The following WWP1 variants were observed in gnomAD, a reference collection of about 807,000 sequenced individuals.
The protein encoded by WWP1 is NEDD4-like E3 ubiquitin-protein ligase WWP1.
In WWP1, 49 loss-of-function variants were observed where a neutral mutation model predicts 130.6. The observed-to-expected ratio is 0.38, with a 90% CI of 0.30 to 0.48. WWP1 has a LOEUF of 0.48. Ranked by LOEUF, WWP1 falls within the 20% of genes least tolerant of loss-of-function variation. The pLI is 0.99. For synonymous variants in WWP1, 332 were observed against 367.8 expected (o/e 0.90, Z 1.11); for missense variants, 809 against 1,100.6 (o/e 0.74, Z 3.75).
rs751524730 is a variant in WWP1, at chr8:86,438,587, T to C, written c.1752T>C (p.Ile584=). The C allele has an allele frequency of 6.3e-7, 1 of 1,596,082 alleles. No homozygotes were observed. The highest frequency in any genetic ancestry group is 1.8e-5 in the Admixed American group (1 of 54,976). Residue 584 remains isoleucine, a splice_region_variant and synonymous_variant, in exon 17 of 25, where the codon ATT becomes ATC. Transcript: ENST00000517970. ...QTLFEDSFQQ[I]MALKPYDLRR... ...TTCATGTTTTTGTTTTTAATTAGAT[T>C]ATGGCATTAAAACCCTATGACTTGA...
At chr8:86,413,143 A>T (rs972032703) in intron 9 of WWP1, among the ~76,000 whole-genome samples, 4 of 152,002 alleles carry the variant, frequency 2.6e-5, no homozygotes, top group Non-Finnish European at 5.9e-5. Context: ...CATCATTTTA[A>T]CTATTAAATC....
chr8:86,387,238 G>A (rs1458682848), intron 5 of WWP1, among the ~76,000 whole-genome samples: 4 of 152,180 alleles, frequency 2.6e-5, no homozygotes, highest in African/African-American at 9.6e-5. Flanking sequence ...TCCATTAGCA[G>A]TGGTCCTGTG....
chr8:86,433,789 G>A (rs1810127515), intron 14 of WWP1, among the ~76,000 whole-genome samples: 1 of 152,080 alleles, frequency 6.6e-6, no homozygotes, highest in Non-Finnish European at 1.5e-5. Context: ...GTGATGGCGT[G>A]TGCCTGTAAT....
At chr8:86,436,207 A>G (rs181702582) in intron 16 of WWP1, among the ~76,000 whole-genome samples, 1 of 152,348 alleles carries the variant, frequency 6.6e-6, no homozygotes, top group East Asian at 1.9e-4. Flanking sequence ...ATTTACTAAA[A>G]TAAAGCTTAA....
intron 1 of WWP1, 51 bp downstream of exon 1, chr8:86,342,981 G>C (rs1032003486): frequency 3.2e-6 from 1 of 308,106 alleles, no homozygotes; most frequent in Non-Finnish European, 5.9e-6. Context: ...AGGGCGGGAG[G>C]GGGCACGGGC....
intron 24 of WWP1, 142 bp downstream of exon 24, chr8:86,461,988 C>T (rs767543646): frequency 1.1e-5 from 7 of 647,182 alleles, no homozygotes; most frequent in South Asian, 2.0e-5. Context: ...ATTAATACAG[C>T]ATTCTATAAC....
chr8:86,360,500 C>G (rs143927237), intron 1 of WWP1, among the ~76,000 whole-genome samples: 12 of 152,286 alleles, frequency 7.9e-5, no homozygotes, highest in African/African-American at 2.6e-4. Flanking sequence ...GGTTCTGCCC[C>G]CTATGCAGTA....
chr8:86,413,133 C>T (rs1252094426), intron 9 of WWP1, among the ~76,000 whole-genome samples: 1 of 152,078 alleles, frequency 6.6e-6, no homozygotes, highest in Non-Finnish European at 1.5e-5. Flanking sequence ...GCCAGCTCTC[C>T]ATCATTTTAA....
intron 9 of WWP1, among the ~76,000 whole-genome samples, chr8:86,416,860 G>T (rs1808918584): frequency 6.6e-6 from 1 of 152,160 alleles, no homozygotes; most frequent in African/African-American, 2.4e-5. Flanking sequence ...AGCTCTAGCA[G>T]GCTGTCACTG....
chr8:86,349,167 G>A (rs10109032), intron 1 of WWP1, among the ~76,000 whole-genome samples: 30,689 of 151,984 alleles, frequency 0.2, 3,250 homozygotes, highest in African/African-American at 0.21. Context: ...GATTACAGGC[G>A]TGCACCACCA....
chr8:86,381,389 T>C (rs1824976712), intron 4 of WWP1, 116 bp from the exon 5 acceptor site: 1 of 1,269,594 alleles, frequency 7.9e-7, no homozygotes, highest in Non-Finnish European at 1.1e-6. Flanking sequence ...CTCAAATAAA[T>C]GAAATTCACG....
At position 86,382,417 on chromosome 8, in the gene WWP1, A is replaced by G. The variant is rs574700318; in HGVS notation, c.334+788A>G. ...TCTGAATATTAAAAACCAGGGTTCT[A>G]GCTGGGGGTGGTGGCTCATGCCTGT... On this transcript the variant is annotated intron_variant, in intron 5 of 24. Coordinates refer to ENST00000517970, the MANE Select transcript of WWP1 (RefSeq NM_007013.4). Among the ~76,000 whole-genome samples, 4 of 152,248 alleles carry G rather than the reference A, an allele frequency of 2.6e-5. No homozygotes were observed. The East Asian group carries it at 7.7e-4, about 29-fold the overall frequency.
At position 86,380,883 on chromosome 8, in the gene WWP1, G is replaced by A. The variant is rs1419428898; in HGVS notation, c.209+19G>A. ...TAACTGTGTAAGTACCTTGTGTAAAGGACGGAAAATCTTCACAAGAAAGTG... is the reference window on the plus strand; with the variant it reads ...TAACTGTGTAAGTACCTTGTGTAAAAGACGGAAAATCTTCACAAGAAAGTG... On this transcript the variant is annotated intron_variant, in intron 4 of 24. Transcript: ENST00000517970. 1 of 1,558,216 alleles carries A rather than the reference G, an allele frequency of 6.4e-7. No homozygotes were observed. The highest frequency in any genetic ancestry group is 8.6e-7 in the Non-Finnish European group (1 of 1,157,254).
rs750341818 is a variant in WWP1, at chr8:86,461,756, C to A, written c.2597-18C>A. ...GTTTAAAGGACCAGATAAACTTTGTCTTATTTTCTTGGTGTAGGAAGTAAT... is the reference window on the plus strand; with the variant it reads ...GTTTAAAGGACCAGATAAACTTTGTATTATTTTCTTGGTGTAGGAAGTAAT... On this transcript the variant is annotated intron_variant, in intron 23 of 24. Transcript: ENST00000517970. 1 of 1,609,384 alleles carries A rather than the reference C, an allele frequency of 6.2e-7. No homozygotes were observed. Among genetic ancestry groups the A allele is most frequent in the South Asian group, 1.1e-5 (1 of 90,304 alleles).
At chr8:86,401,984 C>T in intron 7 of WWP1, 35 bp from the exon 8 acceptor site, 1 of 1,503,532 alleles carries the variant, frequency 6.7e-7, no homozygotes, top group South Asian at 1.3e-5. Flanking sequence ...TTGAATTATA[C>T]TTAAATGATT....
chr8:86,400,300 C>A (rs1563498028), intron 7 of WWP1, among the ~76,000 whole-genome samples: 1 of 151,390 alleles, frequency 6.6e-6, no homozygotes, highest in Admixed American at 6.6e-5. Flanking sequence ...CCATTGCACT[C>A]CAGCTCTGGG....
chr8:86,435,422 T>A, intron 14 of WWP1, 30 bp from the exon 15 acceptor site: 2 of 1,607,906 alleles, frequency 1.2e-6, no homozygotes, highest in Non-Finnish European at 1.7e-6. Context: ...TTATTATGAG[T>A]TAATTTGGTT....
At chr8:86,397,164 A>C (rs1807725791) in intron 5 of WWP1, among the ~76,000 whole-genome samples, 1 of 152,234 alleles carries the variant, frequency 6.6e-6, no homozygotes, top group Admixed American at 6.5e-5. Flanking sequence ...AATTTGTTAA[A>C]TATAGGAAAG....
At chr8:86,423,551 A>C (rs1809355659) in intron 9 of WWP1, among the ~76,000 whole-genome samples, 1 of 152,350 alleles carries the variant, frequency 6.6e-6, no homozygotes, top group African/African-American at 2.4e-5. Flanking sequence ...GCAAGGTCAT[A>C]GATCAACAGC....
Sources: gnomAD v4.1 joint callset for allele counts (sites outside exome capture counted in the v4.1 genomes callset) on GRCh38, gnomAD v4.1.1 for gene constraint, MANE v1.5 for transcripts, NCBI Gene and HGNC (gene_info 2026-07-23, HGNC 2026-07-21) for gene names.